The following COP1 variants were observed in gnomAD, a reference collection of about 807,000 sequenced individuals.
COP1 encodes the protein COP1 E3 ubiquitin ligase.
In COP1, 24 loss-of-function variants were observed where a neutral mutation model predicts 101.3. That is an observed-to-expected ratio of 0.24 (90% CI 0.17 to 0.33). The LOEUF (loss-of-function observed/expected upper bound fraction) is 0.33. COP1 is among the 10% of genes least tolerant of loss of function. The pLI is 1.00. For synonymous variants in COP1, 347 were observed against 341.9 expected (o/e 1.01, Z -0.17); for missense variants, 663 against 906.2 (o/e 0.73, Z 3.45).
At position 175,988,396 on chromosome 1, in the gene COP1, G is replaced by A; in HGVS notation, c.1864C>T (p.Leu622=). The change falls in exon 17 of 20, where the codon CTA becomes TTA. Residue 622 remains leucine, a synonymous_variant. Coordinates refer to ENST00000367669, the MANE Select transcript of COP1 (RefSeq NM_022457.7). ...EIVSASTDSQ[L]KLWNVGKPYC... ...GGTTTCCCTACATTCCACAGTTTTA[G>A]CTGACTGTCTGTTGAGCTGAGGAAA... 1 of 1,603,110 alleles carries A rather than the reference G, an allele frequency of 6.2e-7. No homozygotes were observed. The highest frequency in any genetic ancestry group is 8.5e-7 in the Non-Finnish European group (1 of 1,172,794).
intron 11 of COP1, among the ~76,000 whole-genome samples, chr1:176,065,008 A>G (rs1675665624): frequency 6.6e-6 from 1 of 152,234 alleles, no homozygotes; most frequent in South Asian, 2.1e-4. Context: ...CCCCTTTATA[A>G]TTTAGAGAGA....
At chr1:176,168,082 G>A (rs1483270524) in intron 3 of COP1, among the ~76,000 whole-genome samples, 2 of 150,864 alleles carry the variant, frequency 1.3e-5, no homozygotes, top group Non-Finnish European at 2.9e-5. Flanking sequence ...TTTTGAAACA[G>A]AGTCTCGCCC....
intron 13 of COP1, 53 bp from the exon 14 acceptor site, chr1:176,043,320 A>G: frequency 2.7e-6 from 3 of 1,106,556 alleles, no homozygotes; most frequent in Non-Finnish European, 2.7e-6. Context: ...TCTCAAAATG[A>G]ATAAAGCAAG....
At chr1:176,132,530 CAT>C (rs1203693075) in intron 8 of COP1, among the ~76,000 whole-genome samples, 13 of 149,108 alleles carry the variant, frequency 8.7e-5, no homozygotes, top group African/African-American at 2.0e-4. Context: ...TACACACACA[CAT>C]ATATGAATAT....
intron 18 of COP1, among the ~76,000 whole-genome samples, chr1:175,981,262 C>T (rs1429220014): frequency 6.6e-6 from 1 of 152,080 alleles, no homozygotes; most frequent in East Asian, 1.9e-4. Context: ...TCATGGTTTG[C>T]AAATGTTTTC....
chr1:176,008,983 C>T (rs1212038958), intron 15 of COP1, among the ~76,000 whole-genome samples: 1 of 152,144 alleles, frequency 6.6e-6, no homozygotes, highest in Non-Finnish European at 1.5e-5. Flanking sequence ...TCTGCCTTAG[C>T]CTTCACTTCC....
chr1:175,993,387 G>C (rs990517504), intron 15 of COP1, among the ~76,000 whole-genome samples: 6 of 152,224 alleles, frequency 3.9e-5, no homozygotes, highest in African/African-American at 1.4e-4. Context: ...GAACAAAGCT[G>C]GATGGAGAAT....
At chr1:176,057,868 G>A (rs1437724305) in intron 11 of COP1, among the ~76,000 whole-genome samples, 1 of 151,846 alleles carries the variant, frequency 6.6e-6, no homozygotes, top group Non-Finnish European at 1.5e-5. Flanking sequence ...CTTCCCCGCC[G>A]CCATCCCATC....
rs186183331 is a variant in COP1, at chr1:176,196,344, T to A, written c.407+10228A>T. 3.0e-4 allele frequency among the ~76,000 whole-genome samples: 45 copies of A among 151,998 alleles called. No individual in the cohort carries two copies. In the East Asian group the frequency reaches 8.3e-3, roughly 28 times the overall value. ...GATCATTTGAAAAGACTAAAAAAAA[T>A]TAATAATCCTCTAGCTAAACCATTC... On this transcript the variant is annotated intron_variant, in intron 1 of 19. Transcript: ENST00000367669.
At chr1:176,032,867 ATAAGTCT>A (rs1378123908) in intron 14 of COP1, among the ~76,000 whole-genome samples, 1 of 152,132 alleles carries the variant, frequency 6.6e-6, no homozygotes, top group Non-Finnish European at 1.5e-5. Context: ...GCTGATCAAC[ATAAGTCT>A]TTAACATTTC....
intron 5 of COP1, among the ~76,000 whole-genome samples, chr1:176,158,766 A>C (rs568355387): frequency 2.7e-5 from 4 of 150,422 alleles, no homozygotes; most frequent in African/African-American, 9.8e-5. Flanking sequence ...CTGCCTCCCA[A>C]GTAGCTGGGA....
At chr1:176,172,929 G>C (rs1188966843) in intron 3 of COP1, among the ~76,000 whole-genome samples, 1 of 152,174 alleles carries the variant, frequency 6.6e-6, no homozygotes, top group Non-Finnish European at 1.5e-5. Flanking sequence ...AGATGTATCA[G>C]GATGAAATGT....
At chr1:175,955,641 C>T (rs533456281) in intron 18 of COP1, among the ~76,000 whole-genome samples, 10 of 152,108 alleles carry the variant, frequency 6.6e-5, no homozygotes, top group Non-Finnish European at 1.0e-4. Context: ...GCAAGATTGT[C>T]AGACACAAAG....
chr1:175,982,471 C>CT, intron 18 of COP1: 1 of 438,946 alleles, frequency 2.3e-6, no homozygotes, highest in Non-Finnish European at 4.5e-6. Context: ...GGATGAAGAC[C>CT]TTTATGATTC....
chr1:175,985,890 C>T (rs567069080), intron 18 of COP1, among the ~76,000 whole-genome samples: 38 of 152,150 alleles, frequency 2.5e-4, no homozygotes, highest in African/African-American at 8.7e-4. Context: ...TGAAACTATA[C>T]CTGAAACTTG....
intron 15 of COP1, among the ~76,000 whole-genome samples, chr1:175,996,130 GA>G (rs200184537): frequency 0.033 from 5,099 of 152,216 alleles, 118 homozygotes; most frequent in Non-Finnish European, 0.047. Context: ...CATATAAACA[GA>G]ACCAAAGACA....
At chr1:176,090,243 A>G (rs1681020283) in intron 9 of COP1, among the ~76,000 whole-genome samples, 2 of 152,046 alleles carry the variant, frequency 1.3e-5, no homozygotes, top group South Asian at 4.2e-4. Flanking sequence ...GCCTTTCCAG[A>G]TCGAATCAAT....
chr1:176,192,020 A>G (rs1232946660), intron 1 of COP1, among the ~76,000 whole-genome samples: 1 of 152,126 alleles, frequency 6.6e-6, no homozygotes, highest in Non-Finnish European at 1.5e-5. Context: ...TGAGACCACA[A>G]TGGAGTAGGA....
chr1:175,957,511 TATG>T (rs1408496450), intron 18 of COP1, among the ~76,000 whole-genome samples: 1 of 152,202 alleles, frequency 6.6e-6, no homozygotes, highest in African/African-American at 2.4e-5. Context: ...AAGTACACTC[TATG>T]ATGTTTGTGC....
Sources: gnomAD v4.1 joint callset for allele counts (sites outside exome capture counted in the v4.1 genomes callset) on GRCh38, gnomAD v4.1.1 for gene constraint, MANE v1.5 for transcripts, NCBI Gene and HGNC (gene_info 2026-07-23, HGNC 2026-07-21) for gene names.